Variants in PC observed in about 807,000 individuals in gnomAD.
The protein encoded by PC is pyruvate carboxylase, mitochondrial.
Under a neutral mutation model 107.8 loss-of-function variants are expected in PC, and 46 were observed. That is an observed-to-expected ratio of 0.43 (90% CI 0.34 to 0.55). PC has a LOEUF of 0.55. Ranked by LOEUF, PC falls within the 20% of genes least tolerant of loss-of-function variation. PC has a pLI of 0.04. For synonymous variants in PC, 662 were observed against 684.7 expected, an observed-to-expected ratio of 0.97 and a Z score of 0.52; for missense variants, 1,241 against 1,643.1, an observed-to-expected ratio of 0.76 and a Z score of 4.23.
At chr11:66,909,972 C>T (rs538439632) in intron 3 of PC, among the ~76,000 whole-genome samples, 18 of 152,184 alleles carry the variant, frequency 1.2e-4, no homozygotes, top group African/African-American at 3.9e-4. Context: ...ACAGCATGAT[C>T]CATGCTGTCT....
chr11:66,925,681 T>C (rs952377916), intron 3 of PC, among the ~76,000 whole-genome samples: 3 of 152,038 alleles, frequency 2.0e-5, no homozygotes, highest in African/African-American at 2.4e-5. Context: ...GATGATAAGA[T>C]TGAAAGATTA....
chr11:66,851,404 G>A, intron 16 of PC, 124 bp from the exon 17 acceptor site: 1 of 1,422,682 alleles, frequency 7.0e-7, no homozygotes, highest in South Asian at 1.2e-5. Context: ...TCGCCTGGCA[G>A]GGGGTGTGGC....
chr11:66,890,261 T>C (rs1947519709), intron 3 of PC, among the ~76,000 whole-genome samples: 1 of 152,218 alleles, frequency 6.6e-6, no homozygotes, highest in Admixed American at 6.5e-5. Flanking sequence ...CACCAGACGC[T>C]GAATCTGCTG....
intron 3 of PC, among the ~76,000 whole-genome samples, chr11:66,950,448 G>C (rs1331375673): frequency 1.3e-5 from 2 of 152,228 alleles, no homozygotes; most frequent in Non-Finnish European, 2.9e-5. Flanking sequence ...GAAACCCGAG[G>C]TAGTGCTGGG....
At position 66,858,560 on chromosome 11, in the gene PC, C is replaced by A; in HGVS notation, c.1369-5177G>T. On this transcript the variant is annotated intron_variant, in intron 12 of 22. Transcript: ENST00000393960. This position sits in a 1 kb window ranked among gnomAD's most constrained non-coding sequence, Gnocchi z 5.9. ...CCGGCCGCTACTTCTGGGCAGTGCC[C>A]GAGGGCGAGTTCTCCTGTGAGCCGC... The A allele has an allele frequency of 9.1e-6, 14 of 1,532,994 alleles. No homozygotes were observed. The highest frequency in any genetic ancestry group is 1.1e-5 in the Non-Finnish European group (13 of 1,144,412). 95.0% of individuals were successfully genotyped at this position (1,532,994 alleles called of 1,614,324 possible). A position where few individuals can be genotyped will look rare whatever the true frequency, so the allele number is the denominator to read the frequency against.
intron 3 of PC, among the ~76,000 whole-genome samples, chr11:66,890,714 G>A (rs1019624715): frequency 6.6e-6 from 1 of 151,728 alleles, no homozygotes; most frequent in Non-Finnish European, 1.5e-5. Flanking sequence ...TGGTCAGGCT[G>A]ATCTCGAACT....
intron 3 of PC, among the ~76,000 whole-genome samples, chr11:66,908,064 G>C (rs1948220777): frequency 6.6e-6 from 1 of 152,198 alleles, no homozygotes. Context: ...CACTAGGTCA[G>C]GGGTGAGCTG....
chr11:66,870,615 C>A lies in PC; in HGVS notation c.751+160G>T, dbSNP rs1395028825. On this transcript the variant is annotated intron_variant, in intron 8 of 22. Transcript: ENST00000393960. This position sits in a 1 kb window ranked among gnomAD's most constrained non-coding sequence, Gnocchi z 6.1. The stretch of plus-strand genomic sequence containing the variant: ...GCATCACCAAGGCTGTGAGGACCAA[C>A]TGCCAGCTCGGCCCCTAGAGCCCAC... Among the ~76,000 whole-genome samples, 2 of 152,190 alleles carry A rather than the reference C, an allele frequency of 1.3e-5. No homozygotes were observed. Among genetic ancestry groups the A allele is most frequent in the African/African-American group, 4.8e-5 (2 of 41,448 alleles).
At chr11:66,888,596 C>T (rs1947456127) in intron 3 of PC, among the ~76,000 whole-genome samples, 1 of 152,146 alleles carries the variant, frequency 6.6e-6, no homozygotes, top group East Asian at 1.9e-4. Context: ...ACAGCAGCTC[C>T]TGGGGATGTG....
At chr11:66,867,456 C>T (rs1242680806) in intron 10 of PC, among the ~76,000 whole-genome samples, 1 of 152,242 alleles carries the variant, frequency 6.6e-6, no homozygotes, top group Non-Finnish European at 1.5e-5. Flanking sequence ...GGAACCTACA[C>T]TGGCAGGATT....
intron 3 of PC, among the ~76,000 whole-genome samples, chr11:66,903,348 T>C (rs1739464505): frequency 6.6e-6 from 1 of 152,176 alleles, no homozygotes; most frequent in Non-Finnish European, 1.5e-5. Context: ...TGAGGCACCA[T>C]CCTGATTGTC....
chr11:66,870,965 C>G lies in PC; in HGVS notation c.634-73G>C, dbSNP rs1946705962. On this transcript the variant is annotated intron_variant, in intron 7 of 22. Coordinates refer to ENST00000393960, the MANE Select transcript of PC (RefSeq NM_001040716.2). This position sits in a 1 kb window ranked among gnomAD's most constrained non-coding sequence, Gnocchi z 6.1. ...ACCTCTCCCCTGCCATGAACCCCAC[C>G]CACTTTCCAGATCCCTTGAGTGGTC... The G allele has an allele frequency of 2.5e-6, 4 of 1,607,510 alleles. No individual in the cohort carries two copies. In the African/African-American group the frequency reaches 4.0e-5, roughly 16 times the overall value.
At chr11:66,928,358 C>A (rs553384370) in intron 3 of PC, among the ~76,000 whole-genome samples, 1 of 148,548 alleles carries the variant, frequency 6.7e-6, no homozygotes, top group African/African-American at 2.5e-5. Context: ...TGCACTCCAG[C>A]CTGGGCGACA....
At chr11:66,902,115 G>A (rs929410977) in intron 3 of PC, among the ~76,000 whole-genome samples, 2 of 152,178 alleles carry the variant, frequency 1.3e-5, no homozygotes, top group African/African-American at 2.4e-5. Flanking sequence ...CCTGGAAGAG[G>A]AAAGTAAACA....
At chr11:66,957,491 G>A (rs1048343333) in intron 1 of PC, among the ~76,000 whole-genome samples, 1 of 152,194 alleles carries the variant, frequency 6.6e-6, no homozygotes, top group Non-Finnish European at 1.5e-5. Flanking sequence ...GGTGGCGCCC[G>A]CCTGTAGTCC....
chr11:66,896,727 C>T (rs1334316554), intron 3 of PC, among the ~76,000 whole-genome samples: 1 of 152,254 alleles, frequency 6.6e-6, no homozygotes, highest in Non-Finnish European at 1.5e-5. Flanking sequence ...GCCTAACCCA[C>T]ACCTTAGCAG....
At chr11:66,868,751 C>G (rs1946602842) in intron 10 of PC, 95 bp downstream of exon 10, 5 of 911,546 alleles carry the variant, frequency 5.5e-6, no homozygotes, top group South Asian at 5.3e-5. Flanking sequence ...GGGGAGTGAG[C>G]AAGCCCCCTG....
At chr11:66,854,069 T>C (rs954347197) in intron 12 of PC, among the ~76,000 whole-genome samples, 2 of 152,194 alleles carry the variant, frequency 1.3e-5, no homozygotes, top group African/African-American at 4.8e-5. Context: ...GGTGCCCCAC[T>C]GTCCCCCCAG....
chr11:66,873,409 AAT>A (rs1233583950), intron 3 of PC, among the ~76,000 whole-genome samples: 2 of 92,192 alleles, frequency 2.2e-5, no homozygotes, highest in African/African-American at 4.6e-5. Context: ...ATATAATATA[AAT>A]ATATATAATA....
Sources: allele counts gnomAD v4.1 joint callset (sites outside exome capture counted in the v4.1 genomes callset), GRCh38; gene constraint gnomAD v4.1.1; non-coding constraint Gnocchi (gnomAD v3.1); transcripts MANE v1.5; gene names NCBI Gene and HGNC (gene_info 2026-07-23, HGNC 2026-07-21).